ELAVL4: variants seen among roughly 807,000 people sequenced by gnomAD.
ELAVL4 encodes ELAV like RNA binding protein 4.
In ELAVL4, 1 loss-of-function variant was observed where a neutral mutation model predicts 35.6. The observed-to-expected ratio is 0.03, with a 90% CI of 0.01 to 0.13. ELAVL4 has a LOEUF of 0.13. Among genes scored for constraint, ELAVL4 ranks in the 10% least tolerant of loss-of-function variants. ELAVL4 has a pLI of 1.00. For missense variants in ELAVL4, 267 were observed against 464.9 expected (o/e 0.57, Z 3.91); for synonymous variants, 156 against 171.0 (o/e 0.91, Z 0.69).
At chr1:50,165,762 G>A (rs3124466) in intron 2 of ELAVL4, among the ~76,000 whole-genome samples, 94 of 148,680 alleles carry the variant, frequency 6.3e-4, no homozygotes, top group Middle Eastern at 3.6e-3. Flanking sequence ...ATGTGTATAT[G>A]TGTGTATATG....
Position 50,195,708 on chromosome 1 carries a change from A to C in ELAVL4, c.656A>C (p.Gln219Pro). 6.2e-7 allele frequency: 1 copy of C among 1,614,168 alleles called. No individual in the cohort carries two copies. The highest frequency in any genetic ancestry group is 1.1e-5 in the South Asian group (1 of 91,080). Residue 219 changes from glutamine (Q) to proline (P), a missense_variant, in exon 5 of 7, where the codon CAG (glutamine) becomes CCG (proline). Coordinates refer to ENST00000371824, the MANE Select transcript of ELAVL4 (RefSeq NM_001144774.3). ...FANNPSQKSS[Q>P]ALLSQLYQSP... ...AACAACCCCAGCCAGAAGTCCAGCC[A>C]GGCCCTGCTCTCCCAGCTCTACCAG... is the stretch of plus-strand genomic sequence containing the variant.
chr1:50,156,303 C>A (rs1675735281), intron 2 of ELAVL4, among the ~76,000 whole-genome samples: 1 of 152,216 alleles, frequency 6.6e-6, no homozygotes, highest in Admixed American at 6.5e-5. Context: ...TAAATCTTAA[C>A]CCTACCTTCT....
intron 2 of ELAVL4, among the ~76,000 whole-genome samples, chr1:50,165,786 G>GTA (rs938192484): frequency 9.3e-5 from 14 of 150,982 alleles, no homozygotes; most frequent in South Asian, 8.4e-4. Context: ...GTATATATGT[G>GTA]TATATATATG....
intron 1 of ELAVL4, among the ~76,000 whole-genome samples, chr1:50,062,342 C>G (rs1282678648): frequency 5.3e-5 from 8 of 152,086 alleles, no homozygotes; most frequent in Non-Finnish European, 1.5e-5. Flanking sequence ...TCTTCTACCT[C>G]TGAATGGACT....
chr1:50,184,717 AG>A lies in ELAVL4; in HGVS notation c.354+7526del, dbSNP rs1289275838. ...TGGGAAGAGAACCTGTGTAGCTATC[AG>A]AGTAGAATGTTTGCCTTGGGTGGTA... is the stretch of plus-strand genomic sequence containing the variant. On this transcript the variant is annotated intron_variant, in intron 3 of 6. Coordinates refer to ENST00000371824, the MANE Select transcript of ELAVL4 (RefSeq NM_001144774.3). Among the ~76,000 whole-genome samples the A allele has an allele frequency of 5.3e-5, 8 of 152,286 alleles. No homozygotes were observed. In the East Asian group the frequency reaches 1.5e-3, roughly 29 times the overall value.
At chr1:50,085,508 C>T (rs1456351173) in intron 1 of ELAVL4, among the ~76,000 whole-genome samples, 3 of 152,172 alleles carry the variant, frequency 2.0e-5, no homozygotes, top group African/African-American at 4.8e-5. Context: ...GCAGGATCTT[C>T]TGAAAACTTT....
rs1264189462 is a variant in ELAVL4 at position 50,129,049 on chromosome 1, T to C, written c.10-15908T>C. Among the ~76,000 whole-genome samples the C allele has an allele frequency of 5.9e-5, 9 of 152,272 alleles. No individual in the cohort carries two copies. The East Asian group carries it at 1.7e-3, about 29-fold the overall frequency. On this transcript the variant is annotated intron_variant, in intron 1 of 6. Transcript: ENST00000371824. ...GTGGGGTGGTGAGTGTGAACGTACT[T>C]ACAAAATCCTCTGAGTCCAGCATGT... is the stretch of plus-strand genomic sequence containing the variant.
chr1:50,106,926 G>A (rs1666375834), upstream of ELAVL4, among the ~76,000 whole-genome samples: 1 of 152,148 alleles, frequency 6.6e-6, no homozygotes, highest in South Asian at 2.1e-4. Context: ...GTGTACTGAG[G>A]TTAGTATGGA....
intron 1 of ELAVL4, among the ~76,000 whole-genome samples, chr1:50,075,172 A>G (rs1281198304): frequency 6.6e-6 from 1 of 152,182 alleles, no homozygotes; most frequent in Non-Finnish European, 1.5e-5. Context: ...AGCCATGTTT[A>G]AGACGATGTA....
At chr1:50,054,133 C>T (rs1459406750) in intron 1 of ELAVL4, among the ~76,000 whole-genome samples, 3 of 152,156 alleles carry the variant, frequency 2.0e-5, no homozygotes, top group Admixed American at 6.5e-5. Flanking sequence ...TAAATGTTGA[C>T]GTAAATATTG....
At chr1:50,199,784 T>G (rs1332621444) in intron 6 of ELAVL4, among the ~76,000 whole-genome samples, 1 of 152,132 alleles carries the variant, frequency 6.6e-6, no homozygotes, top group African/African-American at 2.4e-5. Flanking sequence ...AACAAAACAT[T>G]AACAAATATT....
chr1:50,097,286 G>A (rs908950596), intron 1 of ELAVL4, among the ~76,000 whole-genome samples: 3 of 151,998 alleles, frequency 2.0e-5, no homozygotes, highest in Non-Finnish European at 2.9e-5. Flanking sequence ...CTACTACCCC[G>A]GCTCTTTCTT....
intron 2 of ELAVL4, among the ~76,000 whole-genome samples, chr1:50,168,684 G>A (rs922591750): frequency 6.6e-6 from 1 of 152,084 alleles, no homozygotes; most frequent in African/African-American, 2.4e-5. Context: ...CCACTCACGA[G>A]CGGTGAATCA....
chr1:50,052,157 T>C (rs948135464), intron 1 of ELAVL4, among the ~76,000 whole-genome samples: 4 of 152,204 alleles, frequency 2.6e-5, no homozygotes, highest in Non-Finnish European at 5.9e-5. Context: ...CAGTAACACA[T>C]GGTTTTAGTA....
At chr1:50,102,922 C>CT (rs377112841), upstream of ELAVL4, among the ~76,000 whole-genome samples, 429 of 151,020 alleles carry the variant, frequency 2.8e-3, 2 homozygotes, top group African/African-American at 9.4e-3. Context: ...GTGTATTTAC[C>CT]TTTTTTTTTC....
intron 3 of ELAVL4, among the ~76,000 whole-genome samples, chr1:50,184,372 A>T (rs1273721312): frequency 6.8e-6 from 1 of 148,084 alleles, no homozygotes; most frequent in East Asian, 2.0e-4. Context: ...GTGTAAAAGA[A>T]GCCAACAATG....
Position 50,093,061 on chromosome 1 carries a change from A to G in ELAVL4, c.18+44879A>G, listed in dbSNP as rs973125069. On this transcript the variant is annotated intron_variant, in intron 1 of 6. Transcript: ENST00000448907. ...AATGTCTGGCACATAGTAGGTGTTCAATAAATATTTGCTGAATGAATTTAT... is the reference window on the plus strand; with the variant it reads ...AATGTCTGGCACATAGTAGGTGTTCGATAAATATTTGCTGAATGAATTTAT... Among the ~76,000 whole-genome samples the G allele has an allele frequency of 7.2e-5, 11 of 152,256 alleles. 1 individual carries two copies. The highest frequency in any genetic ancestry group is 2.7e-4 in the African/African-American group (11 of 41,468).
chr1:50,110,773 T>C (rs942485431), intron 1 of ELAVL4, among the ~76,000 whole-genome samples: 1 of 152,166 alleles, frequency 6.6e-6, no homozygotes, highest in Non-Finnish European at 1.5e-5. Flanking sequence ...GTGGTCTTTT[T>C]CCCATTCTTA....
intron 1 of ELAVL4, among the ~76,000 whole-genome samples, chr1:50,071,495 A>G (rs1166368866): frequency 6.6e-6 from 1 of 152,196 alleles, no homozygotes; most frequent in Non-Finnish European, 1.5e-5. Flanking sequence ...TCAGAGTCAA[A>G]TTGAAGTTCA....
Sources: gnomAD v4.1 joint callset for allele counts (sites outside exome capture counted in the v4.1 genomes callset) on GRCh38, gnomAD v4.1.1 for gene constraint, MANE v1.5 for transcripts, NCBI Gene and HGNC (gene_info 2026-07-23, HGNC 2026-07-21) for gene names.